The following PSME3IP1 variants were observed in gnomAD, a reference collection of about 807,000 sequenced individuals.
The protein encoded by PSME3IP1 is PSME3-interacting protein.
PSME3IP1 carries 13 observed loss-of-function variants against 34.1 expected under a neutral mutation model. That is an observed-to-expected ratio of 0.38 (90% CI 0.25 to 0.61). The LOEUF (loss-of-function observed/expected upper bound fraction) is 0.61. PSME3IP1 is among the 20% of genes least tolerant of loss of function. The pLI, the probability that PSME3IP1 is intolerant of heterozygous loss-of-function variation, is 0.60. For synonymous variants in PSME3IP1, 93 were observed against 114.3 expected, an observed-to-expected ratio of 0.81 and a Z score of 1.19; for missense variants, 237 against 301.4, an observed-to-expected ratio of 0.79 and a Z score of 1.58.
intron 6 of PSME3IP1, among the ~76,000 whole-genome samples, chr16:57,162,344 T>C (rs1363940628): frequency 6.6e-6 from 1 of 152,164 alleles, no homozygotes; most frequent in African/African-American, 2.4e-5. Context: ...AGTTGAGAGA[T>C]ATAAATGAAA....
intron 1 of PSME3IP1, among the ~76,000 whole-genome samples, chr16:57,184,651 C>T (rs2074007761): frequency 6.6e-6 from 1 of 152,242 alleles, no homozygotes; most frequent in Non-Finnish European, 1.5e-5. Flanking sequence ...ACTTGATTTA[C>T]CACATACGTG....
At position 57,154,643 on chromosome 16, in the gene PSME3IP1, T is replaced by C. The variant is rs2070308897; in HGVS notation, c.548-136A>G. On this transcript the variant is annotated intron_variant, in intron 6 of 6. Transcript: ENST00000309137. This position sits in a 1 kb window ranked among gnomAD's most constrained non-coding sequence, Gnocchi z 4.0. ...GAACAATGCTATGCAGCCAATACTATCATCACCCTCGTTTTAGAGATGGGG... is the reference window on the plus strand; with the variant it reads ...GAACAATGCTATGCAGCCAATACTACCATCACCCTCGTTTTAGAGATGGGG... 2 of 662,792 alleles carry C rather than the reference T, an allele frequency of 3.0e-6. No homozygotes were observed. Among genetic ancestry groups the C allele is most frequent in the Non-Finnish European group, 4.9e-6 (2 of 411,174 alleles). 41.1% of individuals were successfully genotyped at this position (662,792 alleles called of 1,614,324 possible).
intron 1 of PSME3IP1, among the ~76,000 whole-genome samples, chr16:57,184,654 C>T (rs1254296896): frequency 1.3e-5 from 2 of 152,240 alleles, no homozygotes; most frequent in Non-Finnish European, 2.9e-5. Context: ...TGATTTACCA[C>T]ATACGTGGTT....
chr16:57,154,606 A>G lies in PSME3IP1; in HGVS notation c.548-99T>C. 9.8e-7 allele frequency: 1 copy of G among 1,023,694 alleles called. No individual in the cohort carries two copies. The highest frequency in any genetic ancestry group is 2.8e-5 in the Admixed American group (1 of 35,670). The allele number at this position is 1,023,694 out of a possible 1,614,324, so 63.4% of individuals were successfully genotyped here. ...GCACTGTACCAAGGGATTTTCCCAC[A>G]GAGGAGCCTTAGAACAATGCTATGC... is the stretch of plus-strand genomic sequence containing the variant. On this transcript the variant is annotated intron_variant, in intron 6 of 6. Coordinates refer to ENST00000309137, the MANE Select transcript of PSME3IP1 (RefSeq NM_024946.4). This position sits in a 1 kb window ranked among gnomAD's most constrained non-coding sequence, Gnocchi z 4.0.
At chr16:57,162,145 G>A (rs1353228313) in intron 6 of PSME3IP1, among the ~76,000 whole-genome samples, 1 of 151,958 alleles carries the variant, frequency 6.6e-6, no homozygotes, top group African/African-American at 2.4e-5. Context: ...CAGGTGATCT[G>A]CCTGCCTCAG....
intron 6 of PSME3IP1, among the ~76,000 whole-genome samples, chr16:57,156,867 G>A (rs2070595397): frequency 6.6e-6 from 1 of 152,218 alleles, no homozygotes; most frequent in Admixed American, 6.5e-5. Context: ...GGAGTACAGA[G>A]AAATTTGGCA....
In PSME3IP1 at chr16:57,154,350, A is replaced by G; in HGVS notation, c.705T>C (p.Asn235=). Residue 235 remains asparagine, a synonymous_variant, in exon 7 of 7, where the codon AAT becomes AAC. Transcript: ENST00000309137. The surrounding 1 kb of genome is among the most constrained non-coding windows in gnomAD (Gnocchi z 4.0). The part of the protein sequence containing the change: ...ESSSDSEGTI[N]ATGKIVSSIF... ...TGGAGGAGACAATCTTTCCGGTGGC[A>G]TTGATGGTGCCTTCGCTGTCTGAGC... 1.2e-6 allele frequency: 2 copies of G among 1,614,088 alleles called. No homozygotes were observed. The highest frequency in any genetic ancestry group is 1.7e-6 in the Non-Finnish European group (2 of 1,180,020).
chr16:57,154,036 C>A lies in PSME3IP1; in HGVS notation c.*254G>T. On this transcript the variant is annotated 3_prime_UTR_variant, in exon 7 of 7. Coordinates refer to ENST00000309137, the MANE Select transcript of PSME3IP1 (RefSeq NM_024946.4). The surrounding 1 kb of genome is among the most constrained non-coding windows in gnomAD (Gnocchi z 4.0). ...AGTGGAACTTCGGCTGGGCCTTGCC[C>A]TCCTCCCAATATCAGTGAGGAAAGT... 2.2e-6 allele frequency: 1 copy of A among 452,006 alleles called. No individual in the cohort carries two copies. The highest frequency in any genetic ancestry group is 4.0e-6 in the Non-Finnish European group (1 of 252,574). The allele number at this position is 452,006 out of a possible 1,614,324, so 28.0% of individuals were successfully genotyped here.
intron 5 of PSME3IP1, 102 bp downstream of exon 5, chr16:57,166,991 C>T: frequency 7.2e-7 from 1 of 1,387,404 alleles, no homozygotes. Context: ...GGAACTTCAC[C>T]AGGACTCACG....
intron 1 of PSME3IP1, chr16:57,178,447 G>T: frequency 1.6e-6 from 1 of 642,694 alleles, no homozygotes; most frequent in Non-Finnish European, 1.9e-6. Context: ...TGTCTCCACA[G>T]TGCTTATTAT....
rs1430559229 is a variant in PSME3IP1, at chr16:57,154,659, A to G, written c.548-152T>C. ...CCAATACTATCATCACCCTCGTTTT[A>G]GAGATGGGGAAACTGAAGGAGGAAG... On this transcript the variant is annotated intron_variant, in intron 6 of 6. Transcript: ENST00000309137. This position sits in a 1 kb window ranked among gnomAD's most constrained non-coding sequence, Gnocchi z 4.0. 5 of 624,424 alleles carry G rather than the reference A, an allele frequency of 8.0e-6. No homozygotes were observed. In the African/African-American group the frequency reaches 9.4e-5, roughly 12 times the overall value. 38.7% of individuals were successfully genotyped at this position (624,424 alleles called of 1,614,324 possible).
At chr16:57,173,207 C>A (rs2072802543) in intron 2 of PSME3IP1, among the ~76,000 whole-genome samples, 1 of 152,150 alleles carries the variant, frequency 6.6e-6, no homozygotes, top group South Asian at 2.1e-4. Context: ...AGGAGAGGAG[C>A]AGAATCTCTT....
intron 4 of PSME3IP1, among the ~76,000 whole-genome samples, chr16:57,170,198 T>G (rs1046295207): frequency 7.3e-5 from 11 of 150,890 alleles, no homozygotes; most frequent in Admixed American, 7.3e-4. Context: ...TTCTCCTGCC[T>G]CAGCCTCCTG....
At chr16:57,160,502 T>C (rs2071105858) in intron 6 of PSME3IP1, among the ~76,000 whole-genome samples, 1 of 152,244 alleles carries the variant, frequency 6.6e-6, no homozygotes, top group Non-Finnish European at 1.5e-5. Context: ...ATTACAAATG[T>C]ATATCCTCTC....
At chr16:57,177,176 T>C (rs1376880248) in intron 1 of PSME3IP1, among the ~76,000 whole-genome samples, 3 of 151,668 alleles carry the variant, frequency 2.0e-5, no homozygotes, top group African/African-American at 4.9e-5. Flanking sequence ...AAGAGAAAAT[T>C]TAAAAATCTT....
intron 6 of PSME3IP1, among the ~76,000 whole-genome samples, chr16:57,158,002 A>G (rs1305391672): frequency 6.6e-6 from 1 of 152,338 alleles, no homozygotes; most frequent in East Asian, 1.9e-4. Flanking sequence ...GAAGGCAAGC[A>G]TTCTTTTATC....
At chr16:57,158,141 G>C (rs1176537249) in intron 6 of PSME3IP1, among the ~76,000 whole-genome samples, 2 of 152,150 alleles carry the variant, frequency 1.3e-5, no homozygotes, top group Admixed American at 1.3e-4. Context: ...TGGCTAATTT[G>C]GGGGGAAGGG....
rs1221081812 is a variant in PSME3IP1, at chr16:57,176,886, G to A, written c.-15-3017C>T. Among the ~76,000 whole-genome samples, 15 of 151,288 alleles carry A rather than the reference G, an allele frequency of 9.9e-5. No individual in the cohort carries two copies. In the South Asian group the frequency reaches 2.7e-3, roughly 27 times the overall value. Reference sequence around the variant, plus strand: ...TTTTTTTTTTTTAAGACAGAGTCTCGCTCTGCCGCCCAGGCCGGAGTGCAG... The same window carrying A: ...TTTTTTTTTTTTAAGACAGAGTCTCACTCTGCCGCCCAGGCCGGAGTGCAG... On this transcript the variant is annotated intron_variant, in intron 1 of 6. Coordinates refer to ENST00000309137, the MANE Select transcript of PSME3IP1 (RefSeq NM_024946.4).
chr16:57,161,241 C>A (rs184396998), intron 6 of PSME3IP1, among the ~76,000 whole-genome samples: 1 of 152,194 alleles, frequency 6.6e-6, no homozygotes. Context: ...GGAAGACTCA[C>A]ACTTCCCAAT....
Sources: allele counts gnomAD v4.1 joint callset (sites outside exome capture counted in the v4.1 genomes callset), GRCh38; gene constraint gnomAD v4.1.1; non-coding constraint Gnocchi (gnomAD v3.1); transcripts MANE v1.5; gene names NCBI Gene and HGNC (gene_info 2026-07-23, HGNC 2026-07-21).